Variants in SMAP1 observed in about 807,000 individuals in gnomAD.
The protein encoded by SMAP1 is small ArfGAP 1.
Under a neutral mutation model 58.5 loss-of-function variants are expected in SMAP1, and 24 were observed. The observed-to-expected ratio is 0.41, with a 90% confidence interval of 0.30 to 0.58. The LOEUF is 0.58. Among genes scored for constraint, SMAP1 ranks in the 20% least tolerant of loss-of-function variants. The pLI is 0.29. For synonymous variants in SMAP1, 216 were observed against 196.6 expected, an observed-to-expected ratio of 1.10 and a Z score of -0.82; for missense variants, 563 against 566.3, an observed-to-expected ratio of 0.99 and a Z score of 0.06.
chr6:70,782,168 T>A (rs995458026), intron 4 of SMAP1, among the ~76,000 whole-genome samples: 2 of 152,220 alleles, frequency 1.3e-5, no homozygotes, highest in African/African-American at 2.4e-5. Context: ...TGTATAAAAG[T>A]ACTAGGAGCC....
At chr6:70,690,907 G>A (rs767832882) in intron 1 of SMAP1, among the ~76,000 whole-genome samples, 1 of 149,510 alleles carries the variant, frequency 6.7e-6, no homozygotes. Context: ...GGAGGAGTTT[G>A]TATAGAACTG....
chr6:70,725,091 GTGTTT>G (rs1768708994), intron 1 of SMAP1, among the ~76,000 whole-genome samples: 1 of 80,504 alleles, frequency 1.2e-5, no homozygotes, highest in African/African-American at 4.3e-5. Context: ...AAATTAACCA[GTGTTT>G]TTTTTTTTTT....
chr6:70,685,131 G>GT (rs901526534), intron 1 of SMAP1, among the ~76,000 whole-genome samples: 270 of 147,192 alleles, frequency 1.8e-3, no homozygotes, highest in East Asian at 2.4e-3. Context: ...CCAGGTCTTA[G>GT]TTTTTTTTTT....
intron 4 of SMAP1, among the ~76,000 whole-genome samples, chr6:70,789,156 T>G (rs1167285710): frequency 2.0e-5 from 3 of 152,188 alleles, no homozygotes; most frequent in Non-Finnish European, 2.9e-5. Context: ...TATATTACCC[T>G]GCTAATATGA....
chr6:70,726,558 TA>T (rs1020527348), intron 1 of SMAP1, among the ~76,000 whole-genome samples: 1 of 152,232 alleles, frequency 6.6e-6, no homozygotes. Context: ...ATTTTCTTTG[TA>T]AAAAATATTT....
chr6:70,821,070 C>G (rs373050947), intron 6 of SMAP1, among the ~76,000 whole-genome samples: 22 of 152,116 alleles, frequency 1.4e-4, no homozygotes, highest in Non-Finnish European at 2.6e-4. Flanking sequence ...GATTTCCCCC[C>G]CTCCCTGCCC....
chr6:70,802,731 G>T (rs983206888), intron 6 of SMAP1, among the ~76,000 whole-genome samples: 1 of 152,110 alleles, frequency 6.6e-6, no homozygotes. Context: ...GTTGAATTTT[G>T]TTGAAGGCCT....
At chr6:70,829,773 C>T (rs1228903322) in intron 6 of SMAP1, among the ~76,000 whole-genome samples, 3 of 151,922 alleles carry the variant, frequency 2.0e-5, no homozygotes, top group South Asian at 4.1e-4. Context: ...GAATAATTAC[C>T]ACTAGAACTT....
Position 70,790,557 on chromosome 6 carries a change from C to T in SMAP1, c.415-1132C>T, listed in dbSNP as rs186795440. On this transcript the variant is annotated intron_variant, in intron 4 of 10. Transcript: ENST00000370455. ...TTTTATTGTGTTGTTTATTTTCTAT[C>T]CTGTGTAACTTGCATTAATATTCAT... Among the ~76,000 whole-genome samples, 558 of 152,050 alleles carry T rather than the reference C, an allele frequency of 3.7e-3. 1 individual carries two copies. Among genetic ancestry groups the T allele is most frequent in the Middle Eastern group, 0.02 (6 of 294 alleles).
intron 2 of SMAP1, among the ~76,000 whole-genome samples, chr6:70,737,357 G>A (rs1209053938): frequency 3.9e-5 from 6 of 152,016 alleles, no homozygotes; most frequent in East Asian, 1.9e-4. Context: ...ATGTTGGCCC[G>A]GCTGGTCTCA....
chr6:70,807,567 T>C (rs1388093581), intron 6 of SMAP1, among the ~76,000 whole-genome samples: 1 of 152,260 alleles, frequency 6.6e-6, no homozygotes, highest in Non-Finnish European at 1.5e-5. Context: ...AGGAGTACTC[T>C]ATTAAAGGAA....
chr6:70,858,145 A>T lies in SMAP1; in HGVS notation c.1185A>T (p.Gln395His). The change falls in exon 10 of 11, where the codon CAA becomes CAT. Residue 395 changes from glutamine to histidine, a missense_variant. Gln to His is a conservative substitution (Grantham distance 24). This residue lies in a region of SMAP1 where 494 missense variants were observed against 473.8 expected (regional missense o/e 1.04). Transcript: ENST00000370455. ...TTCCTCAGAACGTTGTTGGCCCCCA[A>T]GGAGGAATGGTGGGACAAATGGGTG... ...MPLPQNVVGP[Q>H]GGMVGQMGAP... The T allele has an allele frequency of 6.2e-7, 1 of 1,614,058 alleles. No homozygotes were observed. The highest frequency in any genetic ancestry group is 1.1e-5 in the South Asian group (1 of 91,076).
At chr6:70,806,352 A>T (rs1467662279) in intron 6 of SMAP1, among the ~76,000 whole-genome samples, 5 of 152,250 alleles carry the variant, frequency 3.3e-5, no homozygotes, top group Non-Finnish European at 7.3e-5. Flanking sequence ...CCGGTTGCTA[A>T]GACCTTGGGG....
intron 1 of SMAP1, among the ~76,000 whole-genome samples, chr6:70,717,572 A>G (rs542773704): frequency 6.6e-5 from 10 of 152,308 alleles, no homozygotes; most frequent in African/African-American, 2.4e-4. Flanking sequence ...CAGTTGCCCC[A>G]TGTATAGGAG....
intron 1 of SMAP1, among the ~76,000 whole-genome samples, chr6:70,673,425 C>G (rs1238765156): frequency 1.3e-5 from 2 of 152,224 alleles, no homozygotes; most frequent in Non-Finnish European, 2.9e-5. Context: ...TGTCCAATAC[C>G]TTGCCTTCAA....
At chr6:70,686,133 T>C (rs1008924476) in intron 1 of SMAP1, among the ~76,000 whole-genome samples, 5 of 152,192 alleles carry the variant, frequency 3.3e-5, no homozygotes, top group Admixed American at 6.5e-5. Context: ...TAAGCTCTTA[T>C]GAAAATTTCT....
chr6:70,752,168 G>A (rs930075148), intron 2 of SMAP1, among the ~76,000 whole-genome samples: 1 of 152,130 alleles, frequency 6.6e-6, no homozygotes, highest in Non-Finnish European at 1.5e-5. Context: ...AGTGTCAGCC[G>A]TGTCACTAAT....
intron 6 of SMAP1, among the ~76,000 whole-genome samples, chr6:70,808,200 A>T (rs1474992934): frequency 6.6e-6 from 1 of 152,178 alleles, no homozygotes; most frequent in Admixed American, 6.5e-5. Context: ...GGATCCACGC[A>T]GTTCAAACCC....
chr6:70,768,373 C>T (rs1767100461), intron 3 of SMAP1, among the ~76,000 whole-genome samples: 1 of 152,184 alleles, frequency 6.6e-6, no homozygotes, highest in African/African-American at 2.4e-5. Context: ...GTGAATCCAT[C>T]TGGTCCTGGA....
Sources: gnomAD v4.1 joint callset for allele counts (sites outside exome capture counted in the v4.1 genomes callset) on GRCh38, gnomAD v4.1.1 for gene constraint, gnomAD v4.1.1 regional missense constraint, MANE v1.5 for transcripts, NCBI Gene and HGNC (gene_info 2026-07-23, HGNC 2026-07-21) for gene names.